KDM4A: variants seen among roughly 807,000 people sequenced by gnomAD.
The protein encoded by KDM4A is lysine-specific demethylase 4A.
In KDM4A, 23 loss-of-function variants were observed where a neutral mutation model predicts 127.1. The observed-to-expected ratio is 0.18, with a 90% CI of 0.13 to 0.26. The LOEUF is 0.26. Among genes scored for constraint, KDM4A ranks in the 10% least tolerant of loss-of-function variants. The pLI, the probability that KDM4A is intolerant of heterozygous loss-of-function variation, is 1.00. For synonymous variants in KDM4A, 443 were observed against 466.5 expected (o/e 0.95, Z 0.65); for missense variants, 890 against 1,329.1 (o/e 0.67, Z 5.14).
At chr1:43,703,501 G>C in intron 19 of KDM4A, 116 bp from the exon 20 acceptor site, 1 of 1,312,014 alleles carries the variant, frequency 7.6e-7, no homozygotes, top group Non-Finnish European at 1.1e-6. Flanking sequence ...CCAGAGAGCT[G>C]CCTTGCTCTC....
In KDM4A at chr1:43,687,513, G is replaced by A. The variant is rs547312279; in HGVS notation, c.1856-1401G>A. On this transcript the variant is annotated intron_variant, in intron 12 of 21. Transcript: ENST00000372396. The stretch of plus-strand genomic sequence containing the variant: ...CTGGCAGAGAGCCAGTCTCCTGTCA[G>A]GGGCCGCATACTTGGGCCTTGCTTG... 5.3e-5 allele frequency among the ~76,000 whole-genome samples: 8 copies of A among 152,346 alleles called. 1 individual carries two copies. In the South Asian group the frequency reaches 1.7e-3, roughly 32 times the overall value.
At chr1:43,703,394 A>ATTT (rs570960378) in intron 19 of KDM4A, 49 of 321,404 alleles carry the variant, frequency 1.5e-4, no homozygotes, top group South Asian at 4.9e-4. Context: ...TTATAGCTGG[A>ATTT]TTTTTTTTTT....
chr1:43,656,904 A>T (rs1173299165), intron 3 of KDM4A, among the ~76,000 whole-genome samples: 1 of 150,966 alleles, frequency 6.6e-6, no homozygotes, highest in Non-Finnish European at 1.5e-5. Context: ...TAATTTTTGT[A>T]TTTTTAGTAG....
chr1:43,678,960 C>T (rs935509019), intron 11 of KDM4A, among the ~76,000 whole-genome samples: 2 of 152,116 alleles, frequency 1.3e-5, no homozygotes, highest in African/African-American at 4.8e-5. Context: ...GTAAACAGTT[C>T]AGTGGCAGTA....
chr1:43,653,741 C>T (rs1398862300), intron 2 of KDM4A: 1 of 153,374 alleles, frequency 6.5e-6, no homozygotes, highest in Non-Finnish European at 1.5e-5. Context: ...GGCCAGCCAA[C>T]ATGAGTATTC....
At chr1:43,660,501 CTGTT>C in intron 4 of KDM4A, 89 bp downstream of exon 4, 1 of 1,501,936 alleles carries the variant, frequency 6.7e-7, no homozygotes, top group Non-Finnish European at 8.9e-7. Flanking sequence ...CACCTAAAAG[CTGTT>C]TGGTGAATGG....
At chr1:43,652,354 A>G (rs994307990) in intron 1 of KDM4A, among the ~76,000 whole-genome samples, 3 of 152,012 alleles carry the variant, frequency 2.0e-5, no homozygotes, top group African/African-American at 7.2e-5. Context: ...AGCTGAAACA[A>G]TTTTCTTTTT....
intron 5 of KDM4A, among the ~76,000 whole-genome samples, chr1:43,664,062 G>A (rs1660446138): frequency 6.6e-6 from 1 of 152,150 alleles, no homozygotes; most frequent in Non-Finnish European, 1.5e-5. Flanking sequence ...TACGGTGTGG[G>A]GACAGCTCTG....
Position 43,694,662 on chromosome 1 carries a change from G to A in KDM4A, c.2485-47G>A. 6.6e-7 allele frequency: 1 copy of A among 1,526,460 alleles called. No individual in the cohort carries two copies. Among genetic ancestry groups the A allele is most frequent in the African/African-American group, 1.4e-5 (1 of 73,476 alleles). 94.6% of individuals were successfully genotyped at this position (1,526,460 alleles called of 1,614,324 possible). A position where few individuals can be genotyped will look rare whatever the true frequency, so the allele number is the denominator to read the frequency against. ...TGGGAGGGGAACAACAGAGGAAGCT[G>A]CAGTGCCAGTTCCTGCAATCACTGG... On this transcript the variant is annotated intron_variant, in intron 17 of 21. Transcript: ENST00000372396. This position sits in a 1 kb window ranked among gnomAD's most constrained non-coding sequence, Gnocchi z 5.2.
intron 12 of KDM4A, among the ~76,000 whole-genome samples, chr1:43,686,478 AG>A (rs1382297883): frequency 1.3e-5 from 2 of 152,098 alleles, no homozygotes; most frequent in East Asian, 3.9e-4. Context: ...CTAGGATTAC[AG>A]GTGTGTGCTA....
At chr1:43,679,937 A>G (rs907762106) in intron 11 of KDM4A, among the ~76,000 whole-genome samples, 14 of 152,150 alleles carry the variant, frequency 9.2e-5, no homozygotes, top group African/African-American at 3.4e-4. Flanking sequence ...CCCTGTCTGC[A>G]AAAAGAGCCC....
chr1:43,654,784 T>TAAA (rs529929496), intron 2 of KDM4A, among the ~76,000 whole-genome samples: 1 of 140,858 alleles, frequency 7.1e-6, no homozygotes, highest in Non-Finnish European at 1.5e-5. Flanking sequence ...ACTCTCTAAT[T>TAAA]AAAAAAAAAA....
At chr1:43,685,557 A>G (rs969431998) in intron 12 of KDM4A, among the ~76,000 whole-genome samples, 2 of 152,000 alleles carry the variant, frequency 1.3e-5, no homozygotes, top group Non-Finnish European at 2.9e-5. Flanking sequence ...TCACAAGGTC[A>G]GGAGATCGAG....
At chr1:43,682,686 T>C (rs895072434) in intron 11 of KDM4A, among the ~76,000 whole-genome samples, 3 of 152,198 alleles carry the variant, frequency 2.0e-5, no homozygotes, top group Non-Finnish European at 4.4e-5. Flanking sequence ...GCAGGTTCTG[T>C]TTTTCCTGGA....
intron 16 of KDM4A, 150 bp downstream of exon 16, chr1:43,692,461 T>G: frequency 8.8e-6 from 6 of 682,760 alleles, no homozygotes; most frequent in Middle Eastern, 4.1e-4. Flanking sequence ...CAAGACTCAT[T>G]TTAAAAATGG....
chr1:43,652,597 C>T (rs1660138807), intron 1 of KDM4A, among the ~76,000 whole-genome samples: 1 of 151,990 alleles, frequency 6.6e-6, no homozygotes, highest in African/African-American at 2.4e-5. Context: ...GATCTGCCCA[C>T]CTCAGTCTCC....
intron 12 of KDM4A, among the ~76,000 whole-genome samples, chr1:43,687,669 G>A (rs988669029): frequency 7.9e-5 from 12 of 152,226 alleles, no homozygotes; most frequent in African/African-American, 2.4e-4. Context: ...GAATTATGGC[G>A]TTTCCTTTAC....
In KDM4A at chr1:43,683,676, T is replaced by A. The variant is rs1660907939; in HGVS notation, c.1735-8T>A. On this transcript the variant is annotated splice_polypyrimidine_tract_variant and splice_region_variant and intron_variant, in intron 11 of 21. Transcript: ENST00000372396. ...CAAGACCAATTTAATTTCTTGTGGTTTGCCCAGGTTGCAGATGAATACATG... is the reference window on the plus strand; with the variant it reads ...CAAGACCAATTTAATTTCTTGTGGTATGCCCAGGTTGCAGATGAATACATG... The A allele has an allele frequency of 1.1e-5, 17 of 1,611,560 alleles. No homozygotes were observed. The highest frequency in any genetic ancestry group is 1.4e-5 in the Non-Finnish European group (17 of 1,178,686).
intron 11 of KDM4A, among the ~76,000 whole-genome samples, chr1:43,674,352 G>A (rs1422862588): frequency 1.3e-5 from 2 of 152,146 alleles, no homozygotes; most frequent in East Asian, 1.9e-4. Context: ...GGGGTGGGAG[G>A]TGCAGGAAGC....
Sources: allele counts gnomAD v4.1 joint callset (sites outside exome capture counted in the v4.1 genomes callset), GRCh38; gene constraint gnomAD v4.1.1; non-coding constraint Gnocchi (gnomAD v3.1); transcripts MANE v1.5; gene names NCBI Gene and HGNC (gene_info 2026-07-23, HGNC 2026-07-21).